GSE1: variants seen among roughly 807,000 people sequenced by gnomAD.
GSE1 encodes the protein Gse1 coiled-coil protein, also known as genetic suppressor element 1.
In GSE1, 32 loss-of-function variants were observed where a neutral mutation model predicts 112.6. That is an observed-to-expected ratio of 0.28 (90% CI 0.21 to 0.38). The LOEUF (loss-of-function observed/expected upper bound fraction) is 0.38, where lower values mean the gene tolerates loss of function less well. Ranked by LOEUF, GSE1 falls within the 10% of genes least tolerant of loss-of-function variation. GSE1 has a pLI of 1.00. For missense variants in GSE1, 2,348 were observed against 1,699.2 expected (o/e 1.38, Z -6.71); for synonymous variants, 1,115 against 735.6 (o/e 1.52, Z -8.35).
At chr16:85,502,006 C>T (rs1310425152) in intron 2 of GSE1, among the ~76,000 whole-genome samples, 3 of 152,180 alleles carry the variant, frequency 2.0e-5, no homozygotes, top group African/African-American at 7.2e-5. Flanking sequence ...GCCGGGGAGC[C>T]AGATGTCCAC....
At chr16:85,181,599 G>A (rs751344535) in intron 1 of GSE1, among the ~76,000 whole-genome samples, 8 of 152,230 alleles carry the variant, frequency 5.3e-5, no homozygotes, top group Non-Finnish European at 1.0e-4. Flanking sequence ...CCGCTGCTGC[G>A]GCGTTTTATT....
At chr16:85,376,937 C>T (rs983763530) in intron 2 of GSE1, among the ~76,000 whole-genome samples, 1 of 152,270 alleles carries the variant, frequency 6.6e-6, no homozygotes, top group Non-Finnish European at 1.5e-5. Context: ...GACGGCCCCT[C>T]CTGTTGTGCA....
Position 85,481,909 on chromosome 16 carries a change from C to T in GSE1, c.2464+124266C>T, listed in dbSNP as rs1044355241. On this transcript the variant is annotated intron_variant, in intron 2 of 2. Transcript: ENST00000637419. Reference sequence around the variant, plus strand: ...CTGGGGTGCAGGGCAGCCCTCCAGCCGGCATCCACATTCTCAGCCGCCGAC... The same window carrying T: ...CTGGGGTGCAGGGCAGCCCTCCAGCTGGCATCCACATTCTCAGCCGCCGAC... Among the ~76,000 whole-genome samples, 13 of 152,232 alleles carry T rather than the reference C, an allele frequency of 8.5e-5. No homozygotes were observed. The East Asian group carries it at 1.2e-3, about 14-fold the overall frequency.
At chr16:85,312,514 G>T (rs1301507157) in intron 1 of GSE1, among the ~76,000 whole-genome samples, 1 of 152,114 alleles carries the variant, frequency 6.6e-6, no homozygotes, top group Non-Finnish European at 1.5e-5. Context: ...CTCTCTCATT[G>T]TAAGGACGCT....
intron 1 of GSE1, among the ~76,000 whole-genome samples, chr16:85,235,394 C>T (rs1400825230): frequency 2.2e-5 from 3 of 134,644 alleles, no homozygotes; most frequent in South Asian, 2.5e-4. Flanking sequence ...CAGACCGCAG[C>T]GGGGGGTGGG....
chr16:85,652,157 C>T (rs986323710), intron 3 of GSE1, among the ~76,000 whole-genome samples: 4 of 152,234 alleles, frequency 2.6e-5, no homozygotes, highest in African/African-American at 9.6e-5. Flanking sequence ...CTCTGCTGCC[C>T]TGTGAGTCCC....
chr16:85,301,847 C>T (rs1436035182), intron 1 of GSE1, among the ~76,000 whole-genome samples: 1 of 152,218 alleles, frequency 6.6e-6, no homozygotes, highest in African/African-American at 2.4e-5. Context: ...TGAGCACAGC[C>T]AGGAACCCGT....
chr16:85,631,115 C>T (rs1381747212), intron 1 of GSE1, among the ~76,000 whole-genome samples: 1 of 152,248 alleles, frequency 6.6e-6, no homozygotes, highest in Non-Finnish European at 1.5e-5. Flanking sequence ...GGACCTGGTT[C>T]ATTGATGTCC....
chr16:85,310,957 C>G (rs1005310287), intron 1 of GSE1, among the ~76,000 whole-genome samples: 1 of 152,218 alleles, frequency 6.6e-6, no homozygotes, highest in African/African-American at 2.4e-5. Flanking sequence ...CAGGGCCCCC[C>G]GCCGCTCCGC....
At chr16:85,374,841 G>A (rs1422554643) in intron 2 of GSE1, among the ~76,000 whole-genome samples, 2 of 152,174 alleles carry the variant, frequency 1.3e-5, no homozygotes, top group Non-Finnish European at 2.9e-5. Context: ...CCCATCCTCT[G>A]TGGGGTGAAG....
chr16:85,322,275 T>G (rs1420199367), intron 1 of GSE1, among the ~76,000 whole-genome samples: 1 of 139,216 alleles, frequency 7.2e-6, no homozygotes, highest in African/African-American at 2.6e-5. Flanking sequence ...ACCGGGTGGG[T>G]CAGCACCCTG....
At chr16:85,349,045 G>A (rs879425777) in intron 1 of GSE1, among the ~76,000 whole-genome samples, 1 of 152,118 alleles carries the variant, frequency 6.6e-6, no homozygotes, top group African/African-American at 2.4e-5. Context: ...AGCCTCTCCC[G>A]CGCGATCTGC....
At chr16:85,223,666 G>T (rs533135630) in intron 1 of GSE1, among the ~76,000 whole-genome samples, 1 of 151,640 alleles carries the variant, frequency 6.6e-6, no homozygotes, top group African/African-American at 2.4e-5. Flanking sequence ...GTGCAGTGGC[G>T]TGATCTCGGC....
chr16:85,500,349 G>T (rs2151911227), intron 2 of GSE1, among the ~76,000 whole-genome samples: 1 of 152,322 alleles, frequency 6.6e-6, no homozygotes, highest in African/African-American at 2.4e-5. Context: ...GTTTTCAATA[G>T]GTTTCAATCA....
intron 2 of GSE1, among the ~76,000 whole-genome samples, chr16:85,382,047 G>A (rs922087365): frequency 1.3e-5 from 2 of 152,228 alleles, no homozygotes; most frequent in African/African-American, 4.8e-5. Context: ...ACAGAGCCCC[G>A]GCTTTCTGTT....
At chr16:85,655,988 G>A in intron 6 of GSE1, 71 bp downstream of exon 6, 2 of 1,292,302 alleles carry the variant, frequency 1.5e-6, no homozygotes, top group Non-Finnish European at 2.1e-6. Context: ...CAGAAAGCCT[G>A]GGCTGGAACC....
intron 1 of GSE1, among the ~76,000 whole-genome samples, chr16:85,308,567 T>G (rs973143201): frequency 9.2e-5 from 14 of 152,184 alleles, no homozygotes; most frequent in Non-Finnish European, 1.5e-5. Flanking sequence ...CAATCCACTC[T>G]GAACAGGAAA....
At chr16:85,523,370 C>T (rs1418051191) in intron 2 of GSE1, among the ~76,000 whole-genome samples, 1 of 152,238 alleles carries the variant, frequency 6.6e-6, no homozygotes, top group Non-Finnish European at 1.5e-5. Flanking sequence ...AGAGCTCCCT[C>T]TCCCACTTTC....
intron 2 of GSE1, among the ~76,000 whole-genome samples, chr16:85,454,919 T>C (rs1250983570): frequency 6.6e-6 from 1 of 152,120 alleles, no homozygotes; most frequent in Non-Finnish European, 1.5e-5. Context: ...TGCCTCCAAA[T>C]AAGGTCGCCT....
Sources: gnomAD v4.1 joint callset for allele counts (sites outside exome capture counted in the v4.1 genomes callset) on GRCh38, gnomAD v4.1.1 for gene constraint, MANE v1.5 for transcripts, NCBI Gene and HGNC (gene_info 2026-07-23, HGNC 2026-07-21) for gene names.